DYNC2H1: variants seen among roughly 807,000 people sequenced by gnomAD.
The protein encoded by DYNC2H1 is cytoplasmic dynein 2 heavy chain 1.
DYNC2H1 carries 410 observed loss-of-function variants against 570.0 expected under a neutral mutation model. That is an observed-to-expected ratio of 0.72 (90% confidence interval 0.66 to 0.78). The LOEUF (loss-of-function observed/expected upper bound fraction) is 0.78, where lower values mean the gene tolerates loss of function less well. Ranked by LOEUF, DYNC2H1 falls within the 30% of genes least tolerant of loss-of-function variation. DYNC2H1 has a pLI of 0.00. For synonymous variants in DYNC2H1, 1,688 were observed against 1,677.6 expected, an observed-to-expected ratio of 1.01 and a Z score of -0.15; for missense variants, 4,865 against 5,046.4, an observed-to-expected ratio of 0.96 and a Z score of 1.09.
In DYNC2H1 at chr11:103,245,140, G is replaced by C; in HGVS notation, c.9919-111G>C. On this transcript the variant is annotated intron_variant, in intron 64 of 88. Coordinates refer to ENST00000375735, the MANE Select transcript of DYNC2H1 (RefSeq NM_001377.3). This position sits in a 1 kb window ranked among gnomAD's most constrained non-coding sequence, Gnocchi z 4.5. Reference sequence around the variant, plus strand: ...GAGTAATTTATTACCTATAGAATCTGAAATTGTGTTTCTATAACATTTTGA... The same window carrying C: ...GAGTAATTTATTACCTATAGAATCTCAAATTGTGTTTCTATAACATTTTGA... 2.1e-6 allele frequency: 2 copies of C among 940,250 alleles called. No homozygotes were observed. The highest frequency in any genetic ancestry group is 3.1e-6 in the Non-Finnish European group (2 of 654,818). 58.2% of individuals were successfully genotyped at this position (940,250 alleles called of 1,614,324 possible).
At chr11:103,473,615 C>T (rs185019488) in intron 88 of DYNC2H1, among the ~76,000 whole-genome samples, 3 of 152,328 alleles carry the variant, frequency 2.0e-5, no homozygotes, top group African/African-American at 7.2e-5. Flanking sequence ...TTACTTACCA[C>T]ACAACCTTCT....
chr11:103,285,338 G>A (rs1042079847), intron 73 of DYNC2H1, among the ~76,000 whole-genome samples: 5 of 151,966 alleles, frequency 3.3e-5, no homozygotes, highest in African/African-American at 1.2e-4. Flanking sequence ...TGGCTAAACT[G>A]ATTTAGCTGG....
At chr11:103,341,185 T>G (rs1211107108) in intron 82 of DYNC2H1, among the ~76,000 whole-genome samples, 4 of 152,212 alleles carry the variant, frequency 2.6e-5, no homozygotes, top group Non-Finnish European at 4.4e-5. Flanking sequence ...ATGGAATCGA[T>G]TCATTCAAAA....
chr11:103,344,122 A>G (rs1939619203), intron 82 of DYNC2H1, among the ~76,000 whole-genome samples: 1 of 152,192 alleles, frequency 6.6e-6, no homozygotes, highest in South Asian at 2.1e-4. Context: ...TCAGTACCCT[A>G]TGTGACTCAG....
chr11:103,234,434 T>C (rs1263156158), intron 61 of DYNC2H1, among the ~76,000 whole-genome samples: 1 of 152,016 alleles, frequency 6.6e-6, no homozygotes, highest in Non-Finnish European at 1.5e-5. Flanking sequence ...AACTTAGTAC[T>C]CCTTAGAATT....
At chr11:103,288,189 T>A (rs553824813) in intron 75 of DYNC2H1, among the ~76,000 whole-genome samples, 1 of 152,276 alleles carries the variant, frequency 6.6e-6, no homozygotes, top group South Asian at 2.1e-4. Context: ...TAATTTCTGA[T>A]TTTGTAGCTA....
Position 103,253,064 on chromosome 11 carries a change from A to G in DYNC2H1, c.10043-221A>G, listed in dbSNP as rs1591477737. On this transcript the variant is annotated intron_variant, in intron 65 of 88. Transcript: ENST00000375735. ...AGAATAGATATTCCTTGGGTGCTTC[A>G]GTATCCCAGGATCTTCTTAGTGAAT... 5.3e-5 allele frequency among the ~76,000 whole-genome samples: 8 copies of G among 152,344 alleles called. 1 individual carries two copies.
At chr11:103,411,530 T>G (rs1943086946) in intron 84 of DYNC2H1, among the ~76,000 whole-genome samples, 1 of 151,588 alleles carries the variant, frequency 6.6e-6, no homozygotes, top group African/African-American at 2.4e-5. Flanking sequence ...ACCTGTGGCA[T>G]AAACACTTGA....
chr11:103,161,368 G>A (rs1861085330), intron 29 of DYNC2H1, among the ~76,000 whole-genome samples: 1 of 152,056 alleles, frequency 6.6e-6, no homozygotes, highest in South Asian at 2.1e-4. Flanking sequence ...TCAGTAAAAT[G>A]GTAATCTCAG....
chr11:103,161,249 G>A (rs1305733972), intron 29 of DYNC2H1, among the ~76,000 whole-genome samples: 3 of 152,066 alleles, frequency 2.0e-5, no homozygotes, highest in Admixed American at 1.3e-4. Flanking sequence ...GTCTTTGGAA[G>A]GCAGCCTGTA....
chr11:103,447,764 TTG>T (rs1271147365), intron 85 of DYNC2H1, among the ~76,000 whole-genome samples: 1 of 152,160 alleles, frequency 6.6e-6, no homozygotes, highest in Non-Finnish European at 1.5e-5. Flanking sequence ...TACTAATGTT[TTG>T]TTTCTTGTGG....
intron 84 of DYNC2H1, 63 bp downstream of exon 84, chr11:103,399,935 A>G (rs1289745817): frequency 7.3e-7 from 1 of 1,364,672 alleles, no homozygotes; most frequent in Non-Finnish European, 1.0e-6. Context: ...TCCATCACAC[A>G]TATATTTGTC....
At chr11:103,282,585 T>A (rs1017772381) in intron 72 of DYNC2H1, among the ~76,000 whole-genome samples, 1 of 152,014 alleles carries the variant, frequency 6.6e-6, no homozygotes, top group Non-Finnish European at 1.5e-5. Flanking sequence ...TTAGAACTTT[T>A]TAATAACTTC....
chr11:103,365,364 G>GGA (rs1555111847), intron 83 of DYNC2H1, among the ~76,000 whole-genome samples: 1 of 146,942 alleles, frequency 6.8e-6, no homozygotes, highest in Non-Finnish European at 1.5e-5. Flanking sequence ...TCCGGCTCAG[G>GGA]AAAAAAAAAA....
chr11:103,170,405 CAG>C lies in DYNC2H1; in HGVS notation c.5151+117_5151+118del. 2 of 1,089,700 alleles carry C rather than the reference CAG, an allele frequency of 1.8e-6. No individual in the cohort carries two copies. The highest frequency in any genetic ancestry group is 2.5e-6 in the Non-Finnish European group (2 of 803,622). The allele number at this position is 1,089,700 out of a possible 1,614,324, so 67.5% of individuals were successfully genotyped here. Reference sequence around the variant, plus strand: ...TCACTACATTTAAATTAGTTGAAGACAGAATTTGTTTAAATTGAAATGTAAAA... The same window carrying C: ...TCACTACATTTAAATTAGTTGAAGACAATTTGTTTAAATTGAAATGTAAAA... On this transcript the variant is annotated intron_variant, in intron 33 of 88. Transcript: ENST00000375735. This position sits in a 1 kb window ranked among gnomAD's most constrained non-coding sequence, Gnocchi z 4.8.
chr11:103,150,880 T>C (rs1860500076), intron 20 of DYNC2H1, among the ~76,000 whole-genome samples: 1 of 152,118 alleles, frequency 6.6e-6, no homozygotes, highest in Non-Finnish European at 1.5e-5. Context: ...AGAGGAAATA[T>C]GTGAGGTAGG....
rs566603561 is a variant in DYNC2H1, at chr11:103,241,791, T to C, written c.9820-1902T>C. On this transcript the variant is annotated intron_variant, in intron 63 of 88. Transcript: ENST00000375735. The surrounding 1 kb of genome is among the most constrained non-coding windows in gnomAD (Gnocchi z 5.1). ...TGGGTGATGCTCATACAGTGTAACG[T>C]GGCAGGAGGTATGATGGGAGTAGTC... Among the ~76,000 whole-genome samples the C allele has an allele frequency of 1.2e-3, 177 of 152,230 alleles. No homozygotes were observed. Among genetic ancestry groups the C allele is most frequent in the African/African-American group, 4.3e-3 (177 of 41,566 alleles).
chr11:103,115,186 C>CA lies in DYNC2H1; in HGVS notation c.513dup (p.Pro172ThrfsTer4). On this transcript the variant is annotated frameshift_variant, in exon 4 of 89. Transcript: ENST00000375735. LOFTEE classifies it high-confidence loss of function. ...CTCTTGACTTTTATAGGTATCCTTA[C>CA]ACCAAGCGATGAGTTCCAGTTTTGG... 3 of 1,607,960 alleles carry CA rather than the reference C, an allele frequency of 1.9e-6. No homozygotes were observed. Among genetic ancestry groups the CA allele is most frequent in the Non-Finnish European group, 2.5e-6 (3 of 1,176,902 alleles).
intron 77 of DYNC2H1, among the ~76,000 whole-genome samples, chr11:103,306,639 T>G (rs1867295839): frequency 6.6e-6 from 1 of 152,102 alleles, no homozygotes; most frequent in African/African-American, 2.4e-5. Context: ...AAGCACAATG[T>G]TTTTAGGGCC....
Sources: gnomAD v4.1 joint callset for allele counts (sites outside exome capture counted in the v4.1 genomes callset) on GRCh38, gnomAD v4.1.1 for gene constraint, Gnocchi (gnomAD v3.1) non-coding constraint, MANE v1.5 for transcripts, NCBI Gene and HGNC (gene_info 2026-07-23, HGNC 2026-07-21) for gene names.